The following MEIS1 variants were observed in gnomAD, a reference collection of about 807,000 sequenced individuals.
MEIS1 encodes the protein Meis homeobox 1, also known as homeobox protein Meis1.
Under a neutral mutation model 50.8 loss-of-function variants are expected in MEIS1, and 5 were observed. That is an observed-to-expected ratio of 0.10 (90% confidence interval 0.05 to 0.21). MEIS1 has a LOEUF of 0.21. Among genes scored for constraint, MEIS1 ranks in the 10% least tolerant of loss-of-function variants. The pLI, the probability that MEIS1 is intolerant of heterozygous loss-of-function variation, is 1.00. For synonymous variants in MEIS1, 176 were observed against 179.3 expected (o/e 0.98, Z 0.15); for missense variants, 318 against 517.3 (o/e 0.61, Z 3.74).
chr2:66,496,812 G>GT (rs942362539), intron 7 of MEIS1, among the ~76,000 whole-genome samples: 89 of 151,026 alleles, frequency 5.9e-4, no homozygotes, highest in African/African-American at 1.0e-3. Context: ...GAACGTTCTC[G>GT]TTTTTTTTTG....
chr2:66,481,933 C>T (rs1027017348), intron 7 of MEIS1, among the ~76,000 whole-genome samples: 10 of 145,108 alleles, frequency 6.9e-5, no homozygotes, highest in Non-Finnish European at 1.3e-4. Flanking sequence ...CGGCTTACTG[C>T]AACCTCCGCC....
rs1366848110 is a variant in MEIS1 at position 66,437,739 on chromosome 2, C to T, written c.15C>T (p.Tyr5=). ...TTTCTCTCCTGTTTGTCATGCAGTA[C>T]GACGATCTACCCCATTACGGGGGCA... MAQR[Y]DDLPHYGGMD... is the part of the protein sequence containing the mutation. The change falls in exon 2 of 13, where the codon TAC becomes TAT. Residue 5 remains tyrosine, a splice_region_variant and synonymous_variant. Transcript: ENST00000272369. 4 of 1,613,786 alleles carry T rather than the reference C, an allele frequency of 2.5e-6. No individual in the cohort carries two copies. Among genetic ancestry groups the T allele is most frequent in the East Asian group, 2.2e-5 (1 of 44,862 alleles).
intron 6 of MEIS1, among the ~76,000 whole-genome samples, chr2:66,454,283 C>T (rs1477319443): frequency 2.0e-5 from 3 of 151,938 alleles, no homozygotes; most frequent in African/African-American, 7.2e-5. Flanking sequence ...GTTGATGGGG[C>T]TGTTGTTTTA....
In MEIS1 at chr2:66,526,433, C is replaced by T. The variant is rs891143296; in HGVS notation, c.888+14139C>T. The stretch of plus-strand genomic sequence containing the variant: ...TGCTGTCAGGGAGCTGGCAGGGTGC[C>T]TACTTTATTTCCAGTTTGCATAGAT... On this transcript the variant is annotated intron_variant, in intron 8 of 12. Coordinates refer to ENST00000272369, the MANE Select transcript of MEIS1 (RefSeq NM_002398.3). Among the ~76,000 whole-genome samples the T allele has an allele frequency of 2.6e-5, 4 of 152,284 alleles. No homozygotes were observed. The South Asian group carries it at 8.3e-4, about 32-fold the overall frequency.
At chr2:66,561,225 A>G (rs1369306600) in intron 9 of MEIS1, among the ~76,000 whole-genome samples, 2 of 152,168 alleles carry the variant, frequency 1.3e-5, no homozygotes, top group Non-Finnish European at 2.9e-5. Context: ...ACATGCCTTA[A>G]AAGTTATTAA....
chr2:66,570,911 G>A lies in MEIS1; in HGVS notation c.*38-335G>A, dbSNP rs891483327. On this transcript the variant is annotated intron_variant, in intron 12 of 12. Transcript: ENST00000272369. ...TGAGATGTTTGGTGACCAGCTCAGT[G>A]TATTCTTGTATTCTTGATAGAGAAT... The A allele has an allele frequency of 2.4e-4, 66 of 270,644 alleles. No homozygotes were observed. The South Asian group carries it at 2.7e-3, about 11-fold the overall frequency. 16.8% of individuals were successfully genotyped at this position (270,644 alleles called of 1,614,324 possible). A position where few individuals can be genotyped will look rare whatever the true frequency, so the allele number is the denominator to read the frequency against.
At chr2:66,504,190 C>T (rs1673631839) in intron 7 of MEIS1, among the ~76,000 whole-genome samples, 1 of 151,976 alleles carries the variant, frequency 6.6e-6, no homozygotes, top group South Asian at 2.1e-4. Flanking sequence ...CACTAAAGGG[C>T]AGAAAAAGGC....
At chr2:66,483,353 C>T (rs759148422) in intron 7 of MEIS1, among the ~76,000 whole-genome samples, 12 of 151,646 alleles carry the variant, frequency 7.9e-5, no homozygotes, top group Admixed American at 3.9e-4. Flanking sequence ...GGATTACAGG[C>T]GTGAGCCACC....
At chr2:66,530,745 A>G (rs978613093) in intron 8 of MEIS1, among the ~76,000 whole-genome samples, 2 of 152,178 alleles carry the variant, frequency 1.3e-5, no homozygotes, top group African/African-American at 2.4e-5. Context: ...CATGGGGAAC[A>G]TTCATTGAGC....
chr2:66,571,720 A>T lies in MEIS1; in HGVS notation c.*512A>T. 1.7e-6 allele frequency: 1 copy of T among 600,346 alleles called. No individual in the cohort carries two copies. Among genetic ancestry groups the T allele is most frequent in the East Asian group, 2.8e-5 (1 of 35,126 alleles). The allele number at this position is 600,346 out of a possible 1,614,324, so 37.2% of individuals were successfully genotyped here. ...GGGACATGCTAAATAACTATATAAG[A>T]CATTAAGAGAACAAAGAGTGAAATA... On this transcript the variant is annotated 3_prime_UTR_variant, in exon 13 of 13. Transcript: ENST00000272369.
intron 10 of MEIS1, chr2:66,567,780 A>G: frequency 1.8e-6 from 1 of 551,106 alleles, no homozygotes; most frequent in South Asian, 2.1e-5. Flanking sequence ...CACATTCAAT[A>G]TATTAATGTT....
chr2:66,565,414 G>A lies in MEIS1; in HGVS notation c.966-2039G>A, dbSNP rs571785791. Among the ~76,000 whole-genome samples the A allele has an allele frequency of 7.9e-4, 120 of 152,282 alleles. 3 individuals carry two copies. The highest frequency in any genetic ancestry group is 2.8e-3 in the African/African-American group (117 of 41,556). ...ACTAAACACTGGGGTTGCTGCCAGT[G>A]GTAATTGGCTTGAAACCAGCTAATT... On this transcript the variant is annotated intron_variant, in intron 9 of 12. Coordinates refer to ENST00000272369, the MANE Select transcript of MEIS1 (RefSeq NM_002398.3).
intron 6 of MEIS1, among the ~76,000 whole-genome samples, chr2:66,451,131 G>A (rs1672267557): frequency 6.6e-6 from 1 of 152,076 alleles, no homozygotes; most frequent in Non-Finnish European, 1.5e-5. Context: ...TTACAATTAG[G>A]TGAAAAACTG....
At chr2:66,481,524 G>GT (rs1396726676) in intron 7 of MEIS1, among the ~76,000 whole-genome samples, 1 of 152,214 alleles carries the variant, frequency 6.6e-6, no homozygotes, top group Admixed American at 6.5e-5. Flanking sequence ...CATTCTTTTG[G>GT]TTTGTGACCT....
chr2:66,568,954 C>A (rs1675418951), intron 11 of MEIS1, 96 bp from the exon 12 acceptor site: 2 of 1,236,548 alleles, frequency 1.6e-6, no homozygotes, highest in African/African-American at 1.5e-5. Flanking sequence ...ATTTCTCAAC[C>A]CTCTAGATCC....
At chr2:66,443,080 A>G (rs560234782) in intron 6 of MEIS1, 32 bp downstream of exon 6, 174 of 778,336 alleles carry the variant, frequency 2.2e-4, no homozygotes, top group East Asian at 7.2e-4. Flanking sequence ...CATCCCTGGG[A>G]AAAAAAAAAA....
chr2:66,501,658 A>G (rs1673560806), intron 7 of MEIS1, among the ~76,000 whole-genome samples: 1 of 152,148 alleles, frequency 6.6e-6, no homozygotes. Context: ...TTCAGAAAAA[A>G]AAAAAAACTT....
chr2:66,536,435 C>A (rs1216956925), intron 8 of MEIS1, among the ~76,000 whole-genome samples: 1 of 152,154 alleles, frequency 6.6e-6, no homozygotes, highest in Admixed American at 6.5e-5. Context: ...CAGTCTTTTT[C>A]TGTTACTTAG....
chr2:66,484,349 T>A lies in MEIS1; in HGVS notation c.742+20129T>A, dbSNP rs188247587. ...GTACAGTGTTGTAGCATAGTTATGA[T>A]GAGAGCACAGAGAGCCCATTTCCTA... is the stretch of plus-strand genomic sequence containing the variant. On this transcript the variant is annotated intron_variant, in intron 7 of 12. Transcript: ENST00000272369. 4.4e-3 allele frequency among the ~76,000 whole-genome samples: 672 copies of A among 152,286 alleles called. 4 individuals are homozygous for A. Among genetic ancestry groups the A allele is most frequent in the Middle Eastern group, 6.8e-3 (2 of 294 alleles).
Sources: allele counts gnomAD v4.1 joint callset (sites outside exome capture counted in the v4.1 genomes callset), GRCh38; gene constraint gnomAD v4.1.1; transcripts MANE v1.5; gene names NCBI Gene and HGNC (gene_info 2026-07-23, HGNC 2026-07-21).